The following PHTF1 variants were observed in gnomAD, a reference collection of about 807,000 sequenced individuals.
The protein encoded by PHTF1 is putative homeodomain transcription factor 1, also known as protein PHTF1.
Under a neutral mutation model 102.4 loss-of-function variants are expected in PHTF1, and 88 were observed. That is an observed-to-expected ratio of 0.86 (90% CI 0.72 to 1.03). PHTF1 has a LOEUF of 1.03. Ranked by LOEUF, PHTF1 falls within the 50% of genes least tolerant of loss-of-function variation. PHTF1 has a pLI of 0.00. For missense variants in PHTF1, 814 were observed against 909.5 expected, an observed-to-expected ratio of 0.89 and a Z score of 1.35; for synonymous variants, 289 against 305.2, an observed-to-expected ratio of 0.95 and a Z score of 0.55.
intron 7 of PHTF1, among the ~76,000 whole-genome samples, chr1:113,715,648 CAAAAAAAAAAA>C (rs60517410): frequency 9.6e-4 from 24 of 24,978 alleles, no homozygotes; most frequent in South Asian, 3.3e-3. Context: ...AACCCTGTCT[CAAAAAAAAAAA>C]AAAAAAAAAA....
chr1:113,706,096 A>C lies in PHTF1; in HGVS notation c.1465T>G (p.Phe489Val). 1 of 1,614,098 alleles carries C rather than the reference A, an allele frequency of 6.2e-7. No homozygotes were observed. Among genetic ancestry groups the C allele is most frequent in the Admixed American group, 1.7e-5 (1 of 60,030 alleles). ...AAAAGTCGATGTAAGAATGGAAAAAATGCTAATCCAATAGTGACAACATTT... is the reference window on the plus strand; with the variant it reads ...AAAAGTCGATGTAAGAATGGAAAAACTGCTAATCCAATAGTGACAACATTT... The part of the protein sequence containing the change: ...LGNVVTIGLA[F>V]FPFLHRLFRE... Residue 489 changes from phenylalanine to valine, a missense_variant, in exon 13 of 19, where the codon TTT becomes GTT. Physicochemically the swap from Phe to Val is conservative, Grantham distance 50 (BLOSUM62 -1). Coordinates refer to ENST00000369604, the MANE Select transcript of PHTF1 (RefSeq NM_001323043.2).
At chr1:113,718,557 A>G (rs976424860) in intron 7 of PHTF1, among the ~76,000 whole-genome samples, 23 of 152,222 alleles carry the variant, frequency 1.5e-4, no homozygotes, top group African/African-American at 5.5e-4. Context: ...GTTCTCCATG[A>G]GTGCCCTGCC....
rs868360918 is a variant in PHTF1, at chr1:113,705,741, C to T, written c.1671+149G>A. The T allele has an allele frequency of 9.6e-4, 640 of 664,506 alleles. 7 individuals are homozygous for T. Among genetic ancestry groups the T allele is most frequent in the Middle Eastern group, 3.3e-3 (8 of 2,438 alleles). 41.2% of individuals were successfully genotyped at this position (664,506 alleles called of 1,614,324 possible). ...ATATGTAAATAGTCAATAACACAAA[C>T]AATAAATCCACAAATATCAAAAGTC... On this transcript the variant is annotated intron_variant, in intron 13 of 18. Transcript: ENST00000369604.
intron 5 of PHTF1, among the ~76,000 whole-genome samples, chr1:113,731,536 T>G (rs1111694): frequency 9.9e-5 from 15 of 150,950 alleles, no homozygotes; most frequent in Admixed American, 9.9e-4. Flanking sequence ...GTCTCTATTT[T>G]AAAAAAAAGA....
chr1:113,731,386 A>C (rs1045976108), intron 5 of PHTF1, among the ~76,000 whole-genome samples: 2 of 151,832 alleles, frequency 1.3e-5, no homozygotes, highest in Non-Finnish European at 1.5e-5. Context: ...AAAAATAAAA[A>C]ACACCAGCTG....
At chr1:113,713,540 G>A in intron 7 of PHTF1, 102 bp from the exon 8 acceptor site, 1 of 662,340 alleles carries the variant, frequency 1.5e-6, no homozygotes, top group Non-Finnish European at 2.6e-6. Flanking sequence ...TGGAAATCAA[G>A]AAAATGCAGG....
chr1:113,715,369 T>G (rs1651825033), intron 7 of PHTF1, among the ~76,000 whole-genome samples: 1 of 151,974 alleles, frequency 6.6e-6, no homozygotes, highest in East Asian at 1.9e-4. Context: ...AAATAGCTAT[T>G]TTTAGCCAGG....
intron 3 of PHTF1, among the ~76,000 whole-genome samples, chr1:113,741,171 C>T (rs955681671): frequency 8.5e-5 from 13 of 152,164 alleles, no homozygotes; most frequent in Non-Finnish European, 1.9e-4. Context: ...AGACATTGAA[C>T]CAGTATTGAT....
intron 3 of PHTF1, among the ~76,000 whole-genome samples, chr1:113,751,327 T>C (rs1658040577): frequency 6.6e-6 from 1 of 152,212 alleles, no homozygotes; most frequent in African/African-American, 2.4e-5. Flanking sequence ...GCAATCATTA[T>C]CACACTCAAG....
At chr1:113,745,713 C>T (rs1179643230) in intron 3 of PHTF1, among the ~76,000 whole-genome samples, 1 of 152,090 alleles carries the variant, frequency 6.6e-6, no homozygotes, top group Non-Finnish European at 1.5e-5. Context: ...CCTGCACATT[C>T]GAGGGATCTA....
chr1:113,731,014 G>C (rs2101520749), intron 5 of PHTF1, among the ~76,000 whole-genome samples: 1 of 152,222 alleles, frequency 6.6e-6, no homozygotes, highest in South Asian at 2.1e-4. Flanking sequence ...CGATGGGTAG[G>C]GGAAATAGGG....
At chr1:113,723,736 C>T (rs1464901855) in intron 7 of PHTF1, among the ~76,000 whole-genome samples, 1 of 152,140 alleles carries the variant, frequency 6.6e-6, no homozygotes. Context: ...TTAAGTAATA[C>T]TCCACAAGCA....
intron 5 of PHTF1, among the ~76,000 whole-genome samples, chr1:113,735,017 C>T (rs1655250016): frequency 6.6e-6 from 1 of 152,062 alleles, no homozygotes; most frequent in South Asian, 2.1e-4. Flanking sequence ...GCAGCCTGAA[C>T]AGATTCATAC....
Position 113,698,259 on chromosome 1 carries a change from T to C in PHTF1, c.2268+3A>G, listed in dbSNP as rs201828962. The C allele has an allele frequency of 7.6e-4, 1,226 of 1,602,998 alleles. 1 individual carries two copies. The highest frequency in any genetic ancestry group is 1.0e-3 in the Non-Finnish European group (1,191 of 1,171,580). On this transcript the variant is annotated splice_donor_region_variant and intron_variant, in intron 18 of 18. Transcript: ENST00000369604. ...GATGCTACAGAGTGGTGGTGATACT[T>C]ACTCTTATATTAAATCCTAGAAGAT...
chr1:113,714,946 T>C (rs1475873568), intron 7 of PHTF1: 1 of 152,294 alleles, frequency 6.6e-6, no homozygotes, highest in African/African-American at 2.4e-5. Context: ...ACTCCATTTG[T>C]TTGGGAGAAA....
chr1:113,729,445 GA>G (rs1346202026), intron 5 of PHTF1, among the ~76,000 whole-genome samples: 1 of 152,098 alleles, frequency 6.6e-6, no homozygotes, highest in Non-Finnish European at 1.5e-5. Context: ...TGCTTGAGAA[GA>G]TGAATACCCT....
At chr1:113,711,408 T>G (rs1352405210) in intron 10 of PHTF1, among the ~76,000 whole-genome samples, 2 of 152,184 alleles carry the variant, frequency 1.3e-5, no homozygotes, top group Admixed American at 1.3e-4. Flanking sequence ...AACTCCTTTC[T>G]CAAAAATCTG....
At chr1:113,726,899 A>T (rs1315438354) in intron 5 of PHTF1, among the ~76,000 whole-genome samples, 14 of 152,220 alleles carry the variant, frequency 9.2e-5, no homozygotes, top group Admixed American at 8.5e-4. Flanking sequence ...TCAAAGGAAG[A>T]GTATTTTCCA....
chr1:113,735,021 T>G (rs1318286810), intron 5 of PHTF1, among the ~76,000 whole-genome samples: 1 of 152,110 alleles, frequency 6.6e-6, no homozygotes, highest in African/African-American at 2.4e-5. Flanking sequence ...CCTGAACAGA[T>G]TCATACAGAA....
Sources: gnomAD v4.1 joint callset for allele counts (sites outside exome capture counted in the v4.1 genomes callset) on GRCh38, gnomAD v4.1.1 for gene constraint, MANE v1.5 for transcripts, NCBI Gene and HGNC (gene_info 2026-07-23, HGNC 2026-07-21) for gene names.